Variants in ZNF641 observed in about 807,000 individuals in gnomAD.
The protein encoded by ZNF641 is zinc finger protein 641.
ZNF641 carries 26 observed loss-of-function variants against 46.2 expected under a neutral mutation model. The ratio of observed to expected loss-of-function variants is 0.56; its 90% confidence interval spans 0.41 to 0.78. The LOEUF (loss-of-function observed/expected upper bound fraction) is 0.78. Ranked by LOEUF, ZNF641 falls within the 30% of genes least tolerant of loss-of-function variation. The pLI, the probability that ZNF641 is intolerant of heterozygous loss-of-function variation, is 0.00. For synonymous variants in ZNF641, 163 were observed against 187.9 expected, an observed-to-expected ratio of 0.87 and a Z score of 1.09; for missense variants, 469 against 517.8, an observed-to-expected ratio of 0.91 and a Z score of 0.91.
At chr12:48,350,759 A>T in intron 1 of ZNF641, 27 bp downstream of exon 1, 1 of 931,626 alleles carries the variant, frequency 1.1e-6, no homozygotes, top group Non-Finnish European at 1.3e-6. Flanking sequence ...CTCCAGCCGC[A>T]GCTCCCTCCG....
rs552110392 is a variant in ZNF641 at position 48,343,299 on chromosome 12, A to G, written c.949T>C (p.Cys317Arg). 10 of 1,614,208 alleles carry G rather than the reference A, an allele frequency of 6.2e-6. No individual in the cohort carries two copies. The East Asian group carries it at 1.6e-4, about 25-fold the overall frequency. The change falls in exon 6 of 6, where the codon TGC becomes CGC. Residue 317 changes from cysteine to arginine, a missense_variant. Cys to Arg is a radical substitution (Grantham distance 180). Around this residue, in one of 3 missense-constraint regions of ZNF641, gnomAD observed 346 missense variants for 354.0 expected, o/e 0.98. Coordinates refer to ENST00000547026, the MANE Select transcript of ZNF641 (RefSeq NM_001172681.2). ...RCSECGKNFRCNSHLASHQRV... is the reference protein window; with the variant it reads ...RCSECGKNFRRNSHLASHQRV... ...TGGTGGCTGGCCAGATGGGAGTTGC[A>G]TCGGAAATTCTTACCACACTCAGAG...
chr12:48,341,794 C>A lies in ZNF641; in HGVS notation c.*1179G>T. ...CTTTCTCTGCCAGGGCAAAAGCAATCTGCAGCCCAGAGATTCAAACCTAGA... is the reference window on the plus strand; with the variant it reads ...CTTTCTCTGCCAGGGCAAAAGCAATATGCAGCCCAGAGATTCAAACCTAGA... On this transcript the variant is annotated 3_prime_UTR_variant, in exon 6 of 6. Transcript: ENST00000547026. The A allele has an allele frequency of 3.0e-6, 3 of 985,488 alleles. No homozygotes were observed. The highest frequency in any genetic ancestry group is 4.7e-5 in the South Asian group (1 of 21,284). 61.0% of individuals were successfully genotyped at this position (985,488 alleles called of 1,614,324 possible).
downstream of ZNF641, among the ~76,000 whole-genome samples, chr12:48,335,299 A>G (rs1021668995): frequency 6.6e-6 from 1 of 152,148 alleles, no homozygotes; most frequent in Non-Finnish European, 1.5e-5. Flanking sequence ...CTTCTTGGTC[A>G]TGGGACAAGA....
chr12:48,341,222 G>T lies in ZNF641; in HGVS notation c.*1751C>A, dbSNP rs2136171155. The T allele has an allele frequency of 2.0e-6, 2 of 985,414 alleles. No homozygotes were observed. Among genetic ancestry groups the T allele is most frequent in the Non-Finnish European group, 2.4e-6 (2 of 829,940 alleles). 61.0% of individuals were successfully genotyped at this position (985,414 alleles called of 1,614,324 possible). ...CAATTCACTTCCTCTTGCCTCTCTGGTTCATTCCACCAATTGTGGTTGAGA... is the reference window on the plus strand; with the variant it reads ...CAATTCACTTCCTCTTGCCTCTCTGTTTCATTCCACCAATTGTGGTTGAGA... On this transcript the variant is annotated 3_prime_UTR_variant, in exon 6 of 6. Transcript: ENST00000547026.
chr12:48,336,448 G>C (rs1462458546), downstream of ZNF641, among the ~76,000 whole-genome samples: 1 of 152,222 alleles, frequency 6.6e-6, no homozygotes. Context: ...GGTAAGGAAA[G>C]CTGCAAGGCA....
In ZNF641 at chr12:48,339,375, G is replaced by GA. The variant is rs1452016971; in HGVS notation, c.*3597dup. On this transcript the variant is annotated 3_prime_UTR_variant, in exon 6 of 6. Transcript: ENST00000547026. ...CAGGAGGGCATTTAGTTAAAAGACT[G>GA]AACGTTGAGCTCCTTCCCGAGTTTC... The GA allele has an allele frequency of 6.6e-6, 1 of 152,194 alleles. No individual in the cohort carries two copies. Among genetic ancestry groups the GA allele is most frequent in the African/African-American group, 2.4e-5 (1 of 41,454 alleles). The allele number at this position is 152,194 out of a possible 1,614,324, so 9.4% of individuals were successfully genotyped here. A position where few individuals can be genotyped will look rare whatever the true frequency, so the allele number is the denominator to read the frequency against.
At position 48,349,288 on chromosome 12, in the gene ZNF641, C is replaced by T. The variant is rs183805032; in HGVS notation, c.-25-1173G>A. On this transcript the variant is annotated intron_variant, in intron 1 of 5. Coordinates refer to ENST00000547026, the MANE Select transcript of ZNF641 (RefSeq NM_001172681.2). Reference sequence around the variant, plus strand: ...GACAACTTAAGAGCAGGATGGGTCACACTTCTGTTGTGATAGGGCTTTATG... The same window carrying T: ...GACAACTTAAGAGCAGGATGGGTCATACTTCTGTTGTGATAGGGCTTTATG... Among the ~76,000 whole-genome samples, 289 of 152,216 alleles carry T rather than the reference C, an allele frequency of 1.9e-3. 1 individual carries two copies. The highest frequency in any genetic ancestry group is 3.5e-3 in the Non-Finnish European group (236 of 68,006).
chr12:48,338,242 G>A lies in ZNF641; in HGVS notation c.*4731C>T, dbSNP rs1013337292. 2.0e-5 allele frequency: 3 copies of A among 152,268 alleles called. No homozygotes were observed. The highest frequency in any genetic ancestry group is 7.2e-5 in the African/African-American group (3 of 41,454). 9.4% of individuals were successfully genotyped at this position (152,268 alleles called of 1,614,324 possible). ...CTTGAAGAGATAAACTAGAATGGAAGAAGGAATGGGGGTTGGAGAGAACAA... is the reference window on the plus strand; with the variant it reads ...CTTGAAGAGATAAACTAGAATGGAAAAAGGAATGGGGGTTGGAGAGAACAA... On this transcript the variant is annotated 3_prime_UTR_variant, in exon 6 of 6. Coordinates refer to ENST00000547026, the MANE Select transcript of ZNF641 (RefSeq NM_001172681.2).
At chr12:48,350,365 G>A (rs1035272397) in intron 1 of ZNF641, 18 of 592,196 alleles carry the variant, frequency 3.0e-5, no homozygotes, top group Non-Finnish European at 3.7e-5. Flanking sequence ...GGGCGGGACG[G>A]GAGCCTGCTC....
chr12:48,349,407 A>G (rs1342687257), intron 1 of ZNF641, among the ~76,000 whole-genome samples: 1 of 152,228 alleles, frequency 6.6e-6, no homozygotes, highest in Non-Finnish European at 1.5e-5. Context: ...AGTCAGTGAA[A>G]GGCTTCCAAG....
chr12:48,350,155 C>A (rs746781507), intron 1 of ZNF641: 2 of 1,606,652 alleles, frequency 1.2e-6, no homozygotes, highest in African/African-American at 2.7e-5. Flanking sequence ...CCCATGCCCA[C>A]TGCAGTGTGG....
At position 48,343,082 on chromosome 12, in the gene ZNF641, G is replaced by A. The variant is rs763871502; in HGVS notation, c.1166C>T (p.Pro389Leu). The change falls in exon 6 of 6, where the codon CCT becomes CTT. Residue 389 changes from proline (P) to leucine (L), a missense_variant. Coordinates refer to ENST00000547026, the MANE Select transcript of ZNF641 (RefSeq NM_001172681.2). ...THTGEKPFQCPRCEKSFGRKH... is the reference protein window; with the variant it reads ...THTGEKPFQCLRCEKSFGRKH... ...TCGGCCAAAGCTCTTCTCACAGCGA[G>A]GGCACTGGAAGGGCTTCTCCCCAGT... The A allele has an allele frequency of 1.2e-6, 2 of 1,614,254 alleles. No homozygotes were observed. Among genetic ancestry groups the A allele is most frequent in the Non-Finnish European group, 1.7e-6 (2 of 1,180,042 alleles).
chr12:48,335,750 C>T (rs997333911), downstream of ZNF641, among the ~76,000 whole-genome samples: 2 of 152,180 alleles, frequency 1.3e-5, no homozygotes, highest in African/African-American at 4.8e-5. Flanking sequence ...AATCTCATCC[C>T]TAGTATTCAT....
In ZNF641 at chr12:48,347,270, A is replaced by G. The variant is rs751456722; in HGVS notation, c.258T>C (p.Leu86=). 1.2e-6 allele frequency: 2 copies of G among 1,613,966 alleles called. No homozygotes were observed. The highest frequency in any genetic ancestry group is 1.7e-6 in the Non-Finnish European group (2 of 1,179,848). Residue 86 remains leucine, a synonymous_variant, in exon 3 of 6, where the codon CTT becomes CTC. Coordinates refer to ENST00000547026, the MANE Select transcript of ZNF641 (RefSeq NM_001172681.2). ...AGCTCACCTGTGATCCAGCCGCAAG[A>G]AGTGCAGCTGCCATCTCCCAGTCTC... ...NTGDWEMAAA[L]LAAGSQGLVT...
Position 48,340,567 on chromosome 12 carries a change from C to T in ZNF641, c.*2406G>A, listed in dbSNP as rs746360968. On this transcript the variant is annotated 3_prime_UTR_variant, in exon 6 of 6. Transcript: ENST00000547026. ...TTAATCCTTAAAATATTTAGTGACC[C>T]TTGCCTTCTAATTCTTGACACAAAT... The T allele has an allele frequency of 2.3e-5, 23 of 985,310 alleles. No homozygotes were observed. The highest frequency in any genetic ancestry group is 3.5e-5 in the African/African-American group (2 of 57,234). The allele number at this position is 985,310 out of a possible 1,614,324, so 61.0% of individuals were successfully genotyped here.
In ZNF641 at chr12:48,341,878, T is replaced by C. The variant is rs1952725934; in HGVS notation, c.*1095A>G. On this transcript the variant is annotated 3_prime_UTR_variant, in exon 6 of 6. Coordinates refer to ENST00000547026, the MANE Select transcript of ZNF641 (RefSeq NM_001172681.2). ...TACTGGGAAAGCTTTGTACTCAACT[T>C]AACCTGTCATTTAACCCTTTCCACT... 1.0e-6 allele frequency: 1 copy of C among 985,446 alleles called. No homozygotes were observed. The highest frequency in any genetic ancestry group is 1.2e-6 in the Non-Finnish European group (1 of 829,938). The allele number at this position is 985,446 out of a possible 1,614,324, so 61.0% of individuals were successfully genotyped here.
chr12:48,336,659 C>T (rs1952607043), downstream of ZNF641, among the ~76,000 whole-genome samples: 1 of 152,184 alleles, frequency 6.6e-6, no homozygotes, highest in South Asian at 2.1e-4. Flanking sequence ...CCATTTCCTA[C>T]CCTATCCTCT....
In ZNF641 at chr12:48,342,702, C is replaced by A; in HGVS notation, c.*271G>T. ...GGATTTCAGCCATAAACTGCCAGTA[C>A]CACTCTCCTCTTGAGAACAGCTCAG... On this transcript the variant is annotated 3_prime_UTR_variant, in exon 6 of 6. Transcript: ENST00000547026. The A allele has an allele frequency of 9.4e-7, 1 of 1,068,596 alleles. No individual in the cohort carries two copies. The highest frequency in any genetic ancestry group is 1.2e-6 in the Non-Finnish European group (1 of 815,866). 66.2% of individuals were successfully genotyped at this position (1,068,596 alleles called of 1,614,324 possible).
chr12:48,349,166 GT>G (rs1952962607), intron 1 of ZNF641, among the ~76,000 whole-genome samples: 1 of 152,116 alleles, frequency 6.6e-6, no homozygotes, highest in Non-Finnish European at 1.5e-5. Flanking sequence ...AAAAAAATGG[GT>G]CTTGATTGCA....
Sources: gnomAD v4.1 joint callset for allele counts (sites outside exome capture counted in the v4.1 genomes callset) on GRCh38, gnomAD v4.1.1 for gene constraint, gnomAD v4.1.1 regional missense constraint, MANE v1.5 for transcripts, NCBI Gene and HGNC (gene_info 2026-07-23, HGNC 2026-07-21) for gene names.